The following MAGED1 variants were observed in gnomAD, a reference collection of about 807,000 sequenced individuals.
The protein encoded by MAGED1 is melanoma-associated antigen D1.
MAGED1 carries 3 observed loss-of-function variants against 54.1 expected under a neutral mutation model. That is an observed-to-expected ratio of 0.06 (90% CI 0.03 to 0.14). The LOEUF (loss-of-function observed/expected upper bound fraction) is 0.14, where lower values mean the gene tolerates loss of function less well. MAGED1 is among the 10% of genes least tolerant of loss of function. The pLI, the probability that MAGED1 is intolerant of heterozygous loss-of-function variation, is 1.00. For synonymous variants in MAGED1, 217 were observed against 227.3 expected (o/e 0.95, Z 0.41); for missense variants, 485 against 623.4 (o/e 0.78, Z 2.36).
At chrX:51,852,108 G>T (rs1473340328) in intron 1 of MAGED1, among the ~76,000 whole-genome samples, 1 of 111,438 alleles carries the variant, frequency 9.0e-6, no homozygotes, top group Non-Finnish European at 1.9e-5. Context: ...GCTTTTTCCA[G>T]TTTCTAAAGG....
At chrX:51,867,156 C>A (rs1927484555) in intron 1 of MAGED1, among the ~76,000 whole-genome samples, 1 of 111,373 alleles carries the variant, frequency 9.0e-6, no homozygotes, top group Admixed American at 9.5e-5. Flanking sequence ...AGCAGATTTA[C>A]CTAAACCACC....
chrX:51,861,060 C>T (rs782466851), intron 1 of MAGED1, among the ~76,000 whole-genome samples: 3 of 111,001 alleles, frequency 2.7e-5, no homozygotes, highest in East Asian at 5.7e-4. Context: ...GCAATTTGGA[C>T]CCCACCCCCA....
chrX:51,808,444 C>T (rs1307748316), intron 1 of MAGED1, among the ~76,000 whole-genome samples: 2 of 112,225 alleles, frequency 1.8e-5, no homozygotes, highest in Non-Finnish European at 3.8e-5. Context: ...CATGGTGACT[C>T]ACCCCTGTAA....
At chrX:51,838,677 T>C (rs1169602210) in intron 1 of MAGED1, among the ~76,000 whole-genome samples, 1 of 111,773 alleles carries the variant, frequency 8.9e-6, no homozygotes, top group African/African-American at 3.3e-5. Context: ...TGAAGCAGAC[T>C]TAGGACCGAT....
At chrX:51,847,454 C>A (rs1241732840) in intron 1 of MAGED1, among the ~76,000 whole-genome samples, 1 of 111,221 alleles carries the variant, frequency 9.0e-6, no homozygotes, top group African/African-American at 3.3e-5. Flanking sequence ...CAGAATTTTG[C>A]TCCTTAGTTC....
rs148038224 is a variant in MAGED1 at position 51,897,048 on chromosome X, C to G, written c.1393C>G (p.Pro465Ala). The change falls in exon 4 of 13, where the codon CCC becomes GCC. Residue 465 changes from proline (P) to alanine (A), a missense_variant. Transcript: ENST00000326587. The part of the protein sequence containing the change: ...RASQNPGAAQ[P>A]RDVALLQERA... ...CTCACAGAACCCAGGTGCTGCACAG[C>G]CCCGAGATGTGGCCCTTCTTCAGGA... The G allele has an allele frequency of 6.6e-6, 8 of 1,211,664 alleles. No homozygotes were observed. Among genetic ancestry groups the G allele is most frequent in the Non-Finnish European group, 8.9e-6 (8 of 895,326 alleles).
intron 1 of MAGED1, among the ~76,000 whole-genome samples, chrX:51,806,218 C>T (rs373867568): frequency 2.7e-5 from 3 of 110,280 alleles, no homozygotes; most frequent in African/African-American, 3.3e-5. Flanking sequence ...GTGATCCACC[C>T]GCCTGGGCCT....
At chrX:51,847,820 A>G (rs916180005) in intron 1 of MAGED1, among the ~76,000 whole-genome samples, 26 of 112,224 alleles carry the variant, frequency 2.3e-4, no homozygotes, top group African/African-American at 8.4e-4. Context: ...GATATGTCAT[A>G]TACCAAATAT....
At chrX:51,896,061 G>A in intron 3 of MAGED1, 2 of 377,229 alleles carry the variant, frequency 5.3e-6, no homozygotes, top group Non-Finnish European at 9.1e-6. Context: ...AACCTTAAAG[G>A]CACCTCCTAC....
intron 1 of MAGED1, among the ~76,000 whole-genome samples, chrX:51,887,620 GAT>G (rs1363787240): frequency 1.8e-5 from 2 of 110,626 alleles, no homozygotes; most frequent in Admixed American, 9.7e-5. Flanking sequence ...GGCCTGACTG[GAT>G]ATCCATAGCT....
At chrX:51,893,877 C>T (rs1928566619) in intron 1 of MAGED1, 122 bp downstream of exon 1, 1 of 117,016 alleles carries the variant, frequency 8.5e-6, no homozygotes, top group African/African-American at 3.3e-5. Flanking sequence ...AATTCAATGC[C>T]CCTCCCGATC....
At chrX:51,805,831 C>A (rs1384851248) in intron 1 of MAGED1, among the ~76,000 whole-genome samples, 1 of 109,586 alleles carries the variant, frequency 9.1e-6, no homozygotes, top group African/African-American at 3.3e-5. Context: ...ATTTATCCAT[C>A]CATCTATCTA....
chrX:51,840,568 A>C (rs1232140741), intron 1 of MAGED1, among the ~76,000 whole-genome samples: 1 of 109,534 alleles, frequency 9.1e-6, no homozygotes, highest in Non-Finnish European at 1.9e-5. Context: ...ATATCTCCTA[A>C]TGCTATCCCT....
upstream of MAGED1, among the ~76,000 whole-genome samples, chrX:51,891,177 T>C (rs942536102): frequency 4.4e-5 from 5 of 112,550 alleles, no homozygotes; most frequent in Non-Finnish European, 7.5e-5. Context: ...AAAAAACAAC[T>C]TTTGAGTATG....
At chrX:51,900,360 C>G in intron 11 of MAGED1, 64 bp downstream of exon 11, 1 of 920,577 alleles carries the variant, frequency 1.1e-6, no homozygotes, top group Non-Finnish European at 1.5e-6. Context: ...CTGGGAAAGG[C>G]CCAGGGTAGG....
At chrX:51,863,201 A>G (rs1233826874) in intron 1 of MAGED1, among the ~76,000 whole-genome samples, 1 of 112,043 alleles carries the variant, frequency 8.9e-6, no homozygotes, top group Non-Finnish European at 1.9e-5. Context: ...TTCAGCATAT[A>G]AGTGAGATGA....
intron 1 of MAGED1, among the ~76,000 whole-genome samples, chrX:51,842,712 G>T (rs1926540477): frequency 9.0e-6 from 1 of 111,142 alleles, no homozygotes. Context: ...ATAAGATGGG[G>T]TATCACTCTG....
At chrX:51,855,259 G>A (rs782358503) in intron 1 of MAGED1, among the ~76,000 whole-genome samples, 1 of 112,140 alleles carries the variant, frequency 8.9e-6, no homozygotes, top group Middle Eastern at 4.6e-3. Context: ...TAAAAGTAGA[G>A]ACATGCTCAT....
At chrX:51,840,355 AT>A (rs1370730349) in intron 1 of MAGED1, among the ~76,000 whole-genome samples, 2 of 110,665 alleles carry the variant, frequency 1.8e-5, no homozygotes, top group African/African-American at 3.3e-5. Context: ...CCTCAAAAAA[AT>A]TTTTTCGGAG....
Sources: allele counts gnomAD v4.1 joint callset (sites outside exome capture counted in the v4.1 genomes callset), GRCh38; gene constraint gnomAD v4.1.1; transcripts MANE v1.5; gene names NCBI Gene and HGNC (gene_info 2026-07-23, HGNC 2026-07-21).